CPLANE1: variants seen among roughly 807,000 people sequenced by gnomAD.
The protein encoded by CPLANE1 is ciliogenesis and planar polarity effector complex subunit 1.
In CPLANE1, 263 loss-of-function variants were observed where a neutral mutation model predicts 362.5. The observed-to-expected ratio is 0.73, with a 90% confidence interval of 0.66 to 0.80. The LOEUF is 0.80. Among genes scored for constraint, CPLANE1 ranks in the 30% least tolerant of loss-of-function variants. CPLANE1 has a pLI of 0.00. For synonymous variants in CPLANE1, 1,212 were observed against 1,302.6 expected, an observed-to-expected ratio of 0.93 and a Z score of 1.50; for missense variants, 3,461 against 3,793.4, an observed-to-expected ratio of 0.91 and a Z score of 2.30.
Position 37,157,316 on chromosome 5 carries a change from T to C in CPLANE1, c.8116A>G (p.Lys2706Glu). The change falls in exon 41 of 53, where the codon AAA (lysine) becomes GAA (glutamate). Residue 2706 changes from lysine (K) to glutamate (E), a missense_variant. By Grantham distance (56) the Lys-to-Glu change is moderately conservative (BLOSUM62 1). This residue lies in a region of CPLANE1 where 3,380 missense variants were observed against 3,666.1 expected (regional missense o/e 0.92). Transcript: ENST00000651892. ...SPTPSDIQQN[K>E]GLPKPEFRFK... is the part of the protein sequence containing the mutation. ...GCTATACCTCTTGGCTGTTTACCTT[T>C]GTTCTGCTGTATGTCTGATGGTGTA... 1 of 1,363,046 alleles carries C rather than the reference T, an allele frequency of 7.3e-7. No homozygotes were observed. Among genetic ancestry groups the C allele is most frequent in the Non-Finnish European group, 9.7e-7 (1 of 1,028,660 alleles). 84.4% of individuals were successfully genotyped at this position (1,363,046 alleles called of 1,614,324 possible). A position where few individuals can be genotyped will look rare whatever the true frequency, so the allele number is the denominator to read the frequency against.
intron 38 of CPLANE1, 74 bp downstream of exon 38, chr5:37,162,389 GTC>G: frequency 1.1e-6 from 1 of 895,004 alleles, no homozygotes. Flanking sequence ...TTAAATCACT[GTC>G]TTAAAGGAAA....
the CPLANE1 span, among the ~76,000 whole-genome samples, chr5:37,084,176 A>G: frequency 6.6e-6 from 1 of 152,320 alleles, no homozygotes; most frequent in East Asian, 1.9e-4. Context: ...ATTCAGTGAA[A>G]CTGAGCTTCA....
chr5:37,078,812 ATG>A, the CPLANE1 span, among the ~76,000 whole-genome samples: 1 of 151,630 alleles, frequency 6.6e-6, no homozygotes, highest in Non-Finnish European at 1.5e-5. Context: ...ATGATCAGTG[ATG>A]TTGAGCTTCT....
intron 8 of CPLANE1, among the ~76,000 whole-genome samples, chr5:37,234,615 G>A (rs776774065): frequency 5.6e-4 from 85 of 151,700 alleles, no homozygotes; most frequent in Non-Finnish European, 9.0e-4. Context: ...AAAAAGTGCC[G>A]AAAACCTATT....
At chr5:37,199,716 C>A (rs1225321968) in intron 19 of CPLANE1, among the ~76,000 whole-genome samples, 1 of 152,202 alleles carries the variant, frequency 6.6e-6, no homozygotes, top group Non-Finnish European at 1.5e-5. Context: ...CAACATCCTT[C>A]TTCCCTGCCC....
At position 37,138,800 on chromosome 5, in the gene CPLANE1, G is replaced by C. The variant is rs1213953764; in HGVS notation, c.8712C>G (p.Asp2904Glu). 6.2e-7 allele frequency: 1 copy of C among 1,613,056 alleles called. No homozygotes were observed. The highest frequency in any genetic ancestry group is 1.1e-5 in the South Asian group (1 of 90,850). The change falls in exon 46 of 53, where the codon GAC becomes GAG. Residue 2904 changes from aspartate (D) to glutamate (E), a missense_variant. By Grantham distance (45) the Asp-to-Glu change is conservative. Around this residue, in one of 2 missense-constraint regions of CPLANE1, gnomAD observed 3,380 missense variants for 3,666.1 expected, o/e 0.92. Coordinates refer to ENST00000651892, the MANE Select transcript of CPLANE1 (RefSeq NM_001384732.1). The part of the protein sequence containing the change: ...LQMTGLTDIA[D>E]IIDDLIIKDG... Reference sequence around the variant, plus strand: ...CTTTAATTATAAGGTCATCAATAATGTCTGCAATATCAGTCAATCCAGTCA... The same window carrying C: ...CTTTAATTATAAGGTCATCAATAATCTCTGCAATATCAGTCAATCCAGTCA...
Position 37,175,890 on chromosome 5 carries a change from A to G in CPLANE1, c.5978+19T>C. 6.4e-7 allele frequency: 1 copy of G among 1,555,902 alleles called. No homozygotes were observed. The highest frequency in any genetic ancestry group is 2.2e-5 in the East Asian group (1 of 44,540). ...AAACACAACTATTTTTAAATGGTATAGTAGGCAAAACTTCTTACCTAGAAA... is the reference window on the plus strand; with the variant it reads ...AAACACAACTATTTTTAAATGGTATGGTAGGCAAAACTTCTTACCTAGAAA... On this transcript the variant is annotated intron_variant, in intron 31 of 52. Coordinates refer to ENST00000651892, the MANE Select transcript of CPLANE1 (RefSeq NM_001384732.1).
intron 43 of CPLANE1, among the ~76,000 whole-genome samples, chr5:37,144,686 C>T (rs1486997668): frequency 2.6e-5 from 4 of 151,266 alleles, no homozygotes; most frequent in Non-Finnish European, 4.4e-5. Context: ...CAAGTCTCTA[C>T]TAAAAATACA....
intron 16 of CPLANE1, chr5:37,212,419 AG>A: frequency 1.3e-6 from 1 of 759,464 alleles, no homozygotes; most frequent in Admixed American, 1.7e-5. Context: ...ACATACCATG[AG>A]AAATTACATA....
At chr5:37,132,785 C>T (rs1305336844) in intron 46 of CPLANE1, among the ~76,000 whole-genome samples, 3 of 152,086 alleles carry the variant, frequency 2.0e-5, no homozygotes, top group African/African-American at 7.2e-5. Flanking sequence ...TAATTACATC[C>T]CACTTGTCAA....
In CPLANE1 at chr5:37,106,677, C is replaced by T. The variant is rs1757689669; in HGVS notation, c.*925G>A. On this transcript the variant is annotated 3_prime_UTR_variant, in exon 53 of 53. Transcript: ENST00000651892. ...AGCTTGATAGAAGGCAGCTGAATTACCATACCTGCTTCTGCATTCAACTTG... is the reference window on the plus strand; with the variant it reads ...AGCTTGATAGAAGGCAGCTGAATTATCATACCTGCTTCTGCATTCAACTTG... 3.0e-6 allele frequency: 1 copy of T among 331,576 alleles called. No homozygotes were observed. Among genetic ancestry groups the T allele is most frequent in the Admixed American group, 6.5e-5 (1 of 15,474 alleles). 20.5% of individuals were successfully genotyped at this position (331,576 alleles called of 1,614,324 possible).
At chr5:37,117,028 T>A (rs756931107) in intron 50 of CPLANE1, among the ~76,000 whole-genome samples, 2 of 152,120 alleles carry the variant, frequency 1.3e-5, no homozygotes, top group African/African-American at 2.4e-5. Flanking sequence ...AGTTAGAATA[T>A]CCACAAGCAC....
At chr5:37,100,152 G>C in the CPLANE1 span, among the ~76,000 whole-genome samples, 1 of 151,968 alleles carries the variant, frequency 6.6e-6, no homozygotes, top group African/African-American at 2.4e-5. Context: ...TTGTTGCTGT[G>C]CTTTAGCATT....
chr5:37,149,004 T>C (rs1013952392), intron 42 of CPLANE1, among the ~76,000 whole-genome samples: 2 of 152,170 alleles, frequency 1.3e-5, no homozygotes, highest in African/African-American at 4.8e-5. Flanking sequence ...TGAGCCAAGA[T>C]TGAGCCACTG....
chr5:37,196,638 A>G (rs1787547053), intron 20 of CPLANE1, among the ~76,000 whole-genome samples: 1 of 152,182 alleles, frequency 6.6e-6, no homozygotes, highest in Non-Finnish European at 1.5e-5. Flanking sequence ...TTCTAAAAAA[A>G]TTTGAGGCCA....
At chr5:37,213,770 A>T (rs1387073427) in intron 15 of CPLANE1, 38 bp from the exon 16 acceptor site, 11 of 1,358,002 alleles carry the variant, frequency 8.1e-6, no homozygotes, top group African/African-American at 1.5e-5. Flanking sequence ...GATTGTGATC[A>T]ACTACCAAAA....
intron 8 of CPLANE1, among the ~76,000 whole-genome samples, chr5:37,235,567 CTTTTTTTTTTT>C (rs546612161): frequency 1.1e-5 from 1 of 93,362 alleles, no homozygotes; most frequent in Non-Finnish European, 2.0e-5. Context: ...TATCTAATTT[CTTTTTTTTTTT>C]TTTTTTTTTT....
chr5:37,162,108 C>A (rs1580307690), intron 38 of CPLANE1, among the ~76,000 whole-genome samples: 1 of 152,192 alleles, frequency 6.6e-6, no homozygotes, highest in Non-Finnish European at 1.5e-5. Context: ...CTCACCGAAC[C>A]CAGTCCAGTC....
chr5:37,174,372 G>A (rs1274128670), intron 31 of CPLANE1, among the ~76,000 whole-genome samples: 2 of 152,170 alleles, frequency 1.3e-5, no homozygotes, highest in South Asian at 2.1e-4. Flanking sequence ...AGAAAACTAC[G>A]GAAAAACTGG....
Sources: gnomAD v4.1 joint callset for allele counts (sites outside exome capture counted in the v4.1 genomes callset) on GRCh38, gnomAD v4.1.1 for gene constraint, gnomAD v4.1.1 regional missense constraint, MANE v1.5 for transcripts, NCBI Gene and HGNC (gene_info 2026-07-23, HGNC 2026-07-21) for gene names.